Variants in SHLD1 observed in about 807,000 individuals in gnomAD.
SHLD1 encodes shieldin complex subunit 1.
In SHLD1, 3 loss-of-function variants were observed where a neutral mutation model predicts 5.5. The observed-to-expected ratio is 0.54, with a 90% CI of 0.25 to 1.40. The LOEUF (loss-of-function observed/expected upper bound fraction) is 1.40, where lower values mean the gene tolerates loss of function less well. Ranked by LOEUF, SHLD1 falls within the 40% of genes most tolerant of loss-of-function variation. SHLD1 has a pLI of 0.15. For synonymous variants in SHLD1, 92 were observed against 94.3 expected, an observed-to-expected ratio of 0.98 and a Z score of 0.14; for missense variants, 210 against 244.4, an observed-to-expected ratio of 0.86 and a Z score of 0.94.
chr20:5,800,487 AG>A (rs2087276915), intron 2 of SHLD1, among the ~76,000 whole-genome samples: 1 of 152,150 alleles, frequency 6.6e-6, no homozygotes, highest in South Asian at 2.1e-4. Context: ...TGAGGTAAGG[AG>A]GTCGAGACCA....
chr20:5,821,164 T>G (rs2087601106), intron 2 of SHLD1, among the ~76,000 whole-genome samples: 1 of 152,242 alleles, frequency 6.6e-6, no homozygotes, highest in Non-Finnish European at 1.5e-5. Context: ...CTTTAAAAAT[T>G]GCCTGGAAGT....
chr20:5,784,551 C>T (rs1308039003), intron 2 of SHLD1, among the ~76,000 whole-genome samples: 11 of 152,016 alleles, frequency 7.2e-5, no homozygotes, highest in Admixed American at 5.9e-4. Flanking sequence ...CCCGGGTTCA[C>T]GCCATTCTCC....
chr20:5,809,428 T>A (rs1018097504), intron 2 of SHLD1, among the ~76,000 whole-genome samples: 2 of 152,048 alleles, frequency 1.3e-5, no homozygotes, highest in African/African-American at 4.8e-5. Context: ...ATTAGCAGCA[T>A]CCTGAAAGGA....
At chr20:5,801,304 T>C (rs187709902) in intron 2 of SHLD1, among the ~76,000 whole-genome samples, 92 of 152,174 alleles carry the variant, frequency 6.0e-4, no homozygotes, top group African/African-American at 2.0e-3. Context: ...TCAAACTCCT[T>C]ACCTCAAGCG....
Position 5,755,042 on chromosome 20 carries a change from C to T in SHLD1, c.-5+4563C>T, listed in dbSNP as rs543962329. On this transcript the variant is annotated intron_variant, in intron 1 of 2. Coordinates refer to ENST00000303142, the MANE Select transcript of SHLD1 (RefSeq NM_152504.4). ...TTGCACTCCAGCCTGGGCAACAGAG[C>T]GAGACCCTGTCTCAAAAAAAAAAAA... 5.5e-5 allele frequency among the ~76,000 whole-genome samples: 8 copies of T among 145,992 alleles called. No homozygotes were observed. In the East Asian group the frequency reaches 7.9e-4, roughly 14 times the overall value.
intron 2 of SHLD1, among the ~76,000 whole-genome samples, chr20:5,809,758 C>T (rs1309142594): frequency 6.6e-6 from 1 of 152,080 alleles, no homozygotes; most frequent in Non-Finnish European, 1.5e-5. Context: ...TAGGATGCTA[C>T]TGACATATAG....
At chr20:5,774,835 A>G (rs1302308256) in intron 2 of SHLD1, among the ~76,000 whole-genome samples, 2 of 152,160 alleles carry the variant, frequency 1.3e-5, no homozygotes, top group Non-Finnish European at 2.9e-5. Flanking sequence ...AAACCATATC[A>G]CTGACCAAGA....
At chr20:5,807,726 G>A (rs111341501) in intron 2 of SHLD1, among the ~76,000 whole-genome samples, 18 of 152,188 alleles carry the variant, frequency 1.2e-4, no homozygotes, top group East Asian at 9.6e-4. Flanking sequence ...GTACCCCTTC[G>A]ACTTCCTTTT....
In SHLD1 at chr20:5,843,518, C is replaced by T. The variant is rs139812818; in HGVS notation, c.179-19506C>T. Among the ~76,000 whole-genome samples, 993 of 152,038 alleles carry T rather than the reference C, an allele frequency of 6.5e-3. 9 individuals are homozygous for T. Among genetic ancestry groups the T allele is most frequent in the South Asian group, 0.022 (108 of 4,804 alleles). Reference sequence around the variant, plus strand: ...TTATGTGGTGATTTCTTGTTAAGCACCCCCACCTTGCCATGGCCCTAGGCT... The same window carrying T: ...TTATGTGGTGATTTCTTGTTAAGCATCCCCACCTTGCCATGGCCCTAGGCT... On this transcript the variant is annotated intron_variant, in intron 2 of 2. Coordinates refer to ENST00000303142, the MANE Select transcript of SHLD1 (RefSeq NM_152504.4).
intron 2 of SHLD1, among the ~76,000 whole-genome samples, chr20:5,851,494 TAA>T (rs557612044): frequency 9.7e-5 from 13 of 133,342 alleles, no homozygotes; most frequent in Non-Finnish European, 9.8e-5. Flanking sequence ...CCTGTCTCCT[TAA>T]AAAAAAAAAA....
At chr20:5,826,101 G>A (rs1254523521) in intron 2 of SHLD1, among the ~76,000 whole-genome samples, 3 of 152,216 alleles carry the variant, frequency 2.0e-5, no homozygotes, top group East Asian at 1.9e-4. Context: ...ATCAGTGGGT[G>A]TGAATACGAC....
intron 2 of SHLD1, among the ~76,000 whole-genome samples, chr20:5,846,290 A>C (rs2087931820): frequency 6.6e-6 from 1 of 152,180 alleles, no homozygotes; most frequent in African/African-American, 2.4e-5. Context: ...ACGGGGAATT[A>C]TCTCTCTGCT....
In SHLD1 at chr20:5,830,335, A is replaced by G. The variant is rs573678889; in HGVS notation, c.179-32689A>G. 7.9e-5 allele frequency among the ~76,000 whole-genome samples: 12 copies of G among 152,362 alleles called. No individual in the cohort carries two copies. In the South Asian group the frequency reaches 2.1e-3, roughly 26 times the overall value. On this transcript the variant is annotated intron_variant, in intron 2 of 2. Coordinates refer to ENST00000303142, the MANE Select transcript of SHLD1 (RefSeq NM_152504.4). ...CATATAAGGTTGAGTGAAAGAAGCC[A>G]GATAGCAAAGAGTACATACTGCATG...
chr20:5,849,965 C>CA (rs752647466), intron 2 of SHLD1, among the ~76,000 whole-genome samples: 4,924 of 48,094 alleles, frequency 0.1, 288 homozygotes, highest in African/African-American at 0.12. Flanking sequence ...GACTCCGTCT[C>CA]AAAAAAAAAA....
At chr20:5,816,101 AAAAAAAG>A (rs1384852353) in intron 2 of SHLD1, among the ~76,000 whole-genome samples, 5 of 151,526 alleles carry the variant, frequency 3.3e-5, no homozygotes, top group Non-Finnish European at 7.4e-5. Flanking sequence ...AAAAAAAAAA[AAAAAAAG>A]AAAGAAAAAG....
chr20:5,770,119 G>A (rs1403053127), intron 1 of SHLD1, among the ~76,000 whole-genome samples: 2 of 152,086 alleles, frequency 1.3e-5, no homozygotes, highest in Non-Finnish European at 2.9e-5. Context: ...ACATCAGAAG[G>A]AGGATCCTCT....
chr20:5,840,293 A>G (rs1418743932), intron 2 of SHLD1, among the ~76,000 whole-genome samples: 4 of 152,112 alleles, frequency 2.6e-5, no homozygotes, highest in Admixed American at 6.5e-5. Flanking sequence ...TAGTCCACTC[A>G]ATACCTATTC....
rs71197801 is a variant in SHLD1 at position 5,799,204 on chromosome 20, G to GA, written c.178+26174dup. On this transcript the variant is annotated intron_variant, in intron 2 of 2. Coordinates refer to ENST00000303142, the MANE Select transcript of SHLD1 (RefSeq NM_152504.4). ...GATGACTGAGCGAGACTCTGTCTCA[G>GA]AAAAAAAAAAAAATTAAAGGCTAGC... Among the ~76,000 whole-genome samples the GA allele has an allele frequency of 8.5e-3, 1,224 of 143,848 alleles. 17 individuals are homozygous for GA. Among genetic ancestry groups the GA allele is most frequent in the African/African-American group, 0.027 (1,055 of 39,178 alleles). The allele number at this position is 143,848 out of a possible 152,430, so 94.4% of individuals were successfully genotyped here.
chr20:5,819,404 G>A (rs1006288342), intron 2 of SHLD1, among the ~76,000 whole-genome samples: 6 of 152,178 alleles, frequency 3.9e-5, no homozygotes, highest in Non-Finnish European at 5.9e-5. Context: ...CTTATTAACT[G>A]TAATGTTTGC....
Sources: gnomAD v4.1 joint callset for allele counts (sites outside exome capture counted in the v4.1 genomes callset) on GRCh38, gnomAD v4.1.1 for gene constraint, MANE v1.5 for transcripts, NCBI Gene and HGNC (gene_info 2026-07-23, HGNC 2026-07-21) for gene names.